Variants in CELSR3 observed in about 807,000 individuals in gnomAD.
CELSR3 encodes EGF-like protein 1.
Under a neutral mutation model 270.0 loss-of-function variants are expected in CELSR3, and 73 were observed. That is an observed-to-expected ratio of 0.27 (90% CI 0.22 to 0.33). The LOEUF (loss-of-function observed/expected upper bound fraction) is 0.33. Ranked by LOEUF, CELSR3 falls within the 10% of genes least tolerant of loss-of-function variation. The probability of loss-of-function intolerance (pLI) is 1.00; values close to 1 mark genes in which losing one functional copy is unlikely to be tolerated. For synonymous variants in CELSR3, 1,780 were observed against 1,905.4 expected (o/e 0.93, Z 1.71); for missense variants, 3,614 against 4,533.8 (o/e 0.80, Z 5.83).
intron 16 of CELSR3, among the ~76,000 whole-genome samples, chr3:48,649,721 G>A (rs1212389352): frequency 6.6e-6 from 1 of 152,016 alleles, no homozygotes; most frequent in Non-Finnish European, 1.5e-5. Flanking sequence ...CTTGTCTCTG[G>A]GGTTGGGATG....
chr3:48,638,816 C>CT (rs899946902), intron 34 of CELSR3, among the ~76,000 whole-genome samples: 5 of 151,966 alleles, frequency 3.3e-5, no homozygotes, highest in Admixed American at 1.3e-4. Flanking sequence ...AACCCCTGCT[C>CT]TTTCCTCCTT....
rs775974694 is a variant in CELSR3, at chr3:48,646,261, G to A, written c.7296-4C>T. ...CATGACGGGGTTCTGAGGAAGCCTG[G>A]GGAGACACCCATCTGGGCTTACGCA... On this transcript the variant is annotated splice_polypyrimidine_tract_variant and splice_region_variant and intron_variant, in intron 21 of 34. Coordinates refer to ENST00000164024, the MANE Select transcript of CELSR3 (RefSeq NM_001407.3). The surrounding 1 kb of genome is among the most constrained non-coding windows in gnomAD (Gnocchi z 4.8). 7 of 1,608,586 alleles carry A rather than the reference G, an allele frequency of 4.4e-6. No individual in the cohort carries two copies. The highest frequency in any genetic ancestry group is 1.3e-5 in the African/African-American group (1 of 74,830).
Position 48,645,541 on chromosome 3 carries a change from G to GGCTGC in CELSR3, c.7694_7698dup (p.Leu2567AlafsTer130). Reference sequence around the variant, plus strand: ...TGGATCCCACGCACATTGGACTTGAGGCTGCGCAGGCTCAGCAGGATGGCT... The same window carrying GGCTGC: ...TGGATCCCACGCACATTGGACTTGAGGCTGCGCTGCGCAGGCTCAGCAGGATGGCT... On this transcript the variant is annotated frameshift_variant, in exon 24 of 35. Coordinates refer to ENST00000164024, the MANE Select transcript of CELSR3 (RefSeq NM_001407.3). LOFTEE classifies it high-confidence loss of function. This position sits in a 1 kb window ranked among gnomAD's most constrained non-coding sequence, Gnocchi z 5.4. 6.2e-7 allele frequency: 1 copy of GGCTGC among 1,612,728 alleles called. No individual in the cohort carries two copies. Among genetic ancestry groups the GGCTGC allele is most frequent in the South Asian group, 1.1e-5 (1 of 91,090 alleles).
rs1232221953 is a variant in CELSR3, at chr3:48,657,296, C to T, written c.3801G>A (p.Thr1267=). Residue 1267 remains threonine, a synonymous_variant, in exon 2 of 35, where the codon ACG becomes ACA. Transcript: ENST00000164024. This position sits in a 1 kb window ranked among gnomAD's most constrained non-coding sequence, Gnocchi z 5.4. ...TCAGGCTGTTGGCCAGCAACTCCTCCGTGATGATGACCACGCGCAGCACAC... is the reference window on the plus strand; with the variant it reads ...TCAGGCTGTTGGCCAGCAACTCCTCTGTGATGATGACCACGCGCAGCACAC... ...AQCVLRVVII[T]EELLANSLTV... 3 of 1,610,724 alleles carry T rather than the reference C, an allele frequency of 1.9e-6. No individual in the cohort carries two copies. Among genetic ancestry groups the T allele is most frequent in the South Asian group, 2.2e-5 (2 of 90,624 alleles).
Position 48,658,079 on chromosome 3 carries a change from G to C in CELSR3, c.3749-731C>G, listed in dbSNP as rs1167336322. ...ACCACCCCAGAGATGAAGGTGAGGT[G>C]CTTAGCTGCCTTGTTCGTCTTGTCC... On this transcript the variant is annotated intron_variant, in intron 1 of 34. Coordinates refer to ENST00000164024, the MANE Select transcript of CELSR3 (RefSeq NM_001407.3). The surrounding 1 kb of genome is among the most constrained non-coding windows in gnomAD (Gnocchi z 4.7). Among the ~76,000 whole-genome samples, 3 of 152,224 alleles carry C rather than the reference G, an allele frequency of 2.0e-5. No individual in the cohort carries two copies. Among genetic ancestry groups the C allele is most frequent in the African/African-American group, 7.2e-5 (3 of 41,450 alleles).
chr3:48,646,171 G>A lies in CELSR3; in HGVS notation c.7382C>T (p.Ser2461Phe), dbSNP rs200524008. 1 of 1,612,860 alleles carries A rather than the reference G, an allele frequency of 6.2e-7. No homozygotes were observed. The highest frequency in any genetic ancestry group is 8.5e-7 in the Non-Finnish European group (1 of 1,179,944). ...GRNFLRGILE[S>F]PISLEFRLLQ... ...CAGGCGAAACTCTAGGCTGATGGGGGACTCCAGGATTCCCCTTAGGAAGTT... is the reference window on the plus strand; with the variant it reads ...CAGGCGAAACTCTAGGCTGATGGGGAACTCCAGGATTCCCCTTAGGAAGTT... Residue 2461 changes from serine (S) to phenylalanine (F), a missense_variant, in exon 22 of 35, where the codon TCC (serine) becomes TTC (phenylalanine). Coordinates refer to ENST00000164024, the MANE Select transcript of CELSR3 (RefSeq NM_001407.3). This position sits in a 1 kb window ranked among gnomAD's most constrained non-coding sequence, Gnocchi z 4.8.
Position 48,656,323 on chromosome 3 carries a change from G to C in CELSR3, c.4442C>G (p.Pro1481Arg). Residue 1481 changes from proline to arginine, a missense_variant, in exon 3 of 35, where the codon CCG becomes CGG. By Grantham distance (103) the Pro-to-Arg change is moderately radical. This residue lies in a region of CELSR3 where 1,331 missense variants were observed against 1,933.7 expected (regional missense o/e 0.69). Coordinates refer to ENST00000164024, the MANE Select transcript of CELSR3 (RefSeq NM_001407.3). ...ELDTEAGRCVPGVCRNGGTCT... is the reference protein window; with the variant it reads ...ELDTEAGRCVRGVCRNGGTCT... Reference sequence around the variant, plus strand: ...GGTGCCCCCGTTGCGGCAGACGCCCGGCACGCAGCGGCCGGCCTCGGTGTC... The same window carrying C: ...GGTGCCCCCGTTGCGGCAGACGCCCCGCACGCAGCGGCCGGCCTCGGTGTC... 2 of 1,448,970 alleles carry C rather than the reference G, an allele frequency of 1.4e-6. No individual in the cohort carries two copies. 89.8% of individuals were successfully genotyped at this position (1,448,970 alleles called of 1,614,324 possible). A position where few individuals can be genotyped will look rare whatever the true frequency, so the allele number is the denominator to read the frequency against.
In CELSR3 at chr3:48,659,911, T is replaced by C. The variant is rs2077054108; in HGVS notation, c.2724A>G (p.Ala908=). 2 of 1,614,100 alleles carry C rather than the reference T, an allele frequency of 1.2e-6. No homozygotes were observed. Among genetic ancestry groups the C allele is most frequent in the Non-Finnish European group, 1.7e-6 (2 of 1,180,038 alleles). ...CCTGTAATGTAATGGCTCCTGAGTC[T>C]GCATCAATGCGGAACTGGGGCAGGT... ...EDNLPQFRID[A]DSGAITLQAP... is the part of the protein sequence containing the mutation. The change falls in exon 1 of 35, where the codon GCA becomes GCG. Residue 908 remains alanine (A), a synonymous_variant. Transcript: ENST00000164024. This position sits in a 1 kb window ranked among gnomAD's most constrained non-coding sequence, Gnocchi z 8.1.
chr3:48,640,320 G>A lies in CELSR3; in HGVS notation c.9265C>T (p.Pro3089Ser). Reference sequence around the variant, plus strand: ...CTCAGGGGACGTAGAACAGGGGCAGGGGCTTCCTCTAGTCGCTCACGGCTC... The same window carrying A: ...CTCAGGGGACGTAGAACAGGGGCAGAGGCTTCCTCTAGTCGCTCACGGCTC... ...QLSRERLEEA[P>S]APVLRPLSRP... Residue 3089 changes from proline (P) to serine (S), a missense_variant, in exon 34 of 35, where the codon CCT becomes TCT. Physicochemically the swap from Pro to Ser is moderately conservative, Grantham distance 74. Around this residue, in one of 7 missense-constraint regions of CELSR3, gnomAD observed 1,240 missense variants for 1,351.7 expected, o/e 0.92. Transcript: ENST00000164024. The surrounding 1 kb of genome is among the most constrained non-coding windows in gnomAD (Gnocchi z 7.5). The A allele has an allele frequency of 1.2e-6, 2 of 1,612,842 alleles. No homozygotes were observed. The highest frequency in any genetic ancestry group is 1.7e-6 in the Non-Finnish European group (2 of 1,179,962).
Position 48,652,189 on chromosome 3 carries a change from C to T in CELSR3, c.5752-141G>A, listed in dbSNP as rs1202572721. 1.0e-5 allele frequency: 9 copies of T among 895,840 alleles called. No individual in the cohort carries two copies. The highest frequency in any genetic ancestry group is 3.6e-5 in the South Asian group (2 of 55,198). The allele number at this position is 895,840 out of a possible 1,614,324, so 55.5% of individuals were successfully genotyped here. On this transcript the variant is annotated intron_variant, in intron 11 of 34. Coordinates refer to ENST00000164024, the MANE Select transcript of CELSR3 (RefSeq NM_001407.3). The surrounding 1 kb of genome is among the most constrained non-coding windows in gnomAD (Gnocchi z 4.3). ...AAAAAACCCAGGCCTCAAAAATATCCCCAATTTGGTACCCCTGTGGGACCC... is the reference window on the plus strand; with the variant it reads ...AAAAAACCCAGGCCTCAAAAATATCTCCAATTTGGTACCCCTGTGGGACCC...
At position 48,652,814 on chromosome 3, in the gene CELSR3, G is replaced by T. The variant is rs2047149027; in HGVS notation, c.5634+188C>A. On this transcript the variant is annotated intron_variant, in intron 10 of 34. Coordinates refer to ENST00000164024, the MANE Select transcript of CELSR3 (RefSeq NM_001407.3). The surrounding 1 kb of genome is among the most constrained non-coding windows in gnomAD (Gnocchi z 4.3). The stretch of plus-strand genomic sequence containing the variant: ...AGGCCCCAAATCTGGCACAAAGAGG[G>T]CTTGAGAGTGGACCAACTTGGCTGG... 6.6e-6 allele frequency among the ~76,000 whole-genome samples: 1 copy of T among 152,214 alleles called. No individual in the cohort carries two copies. Among genetic ancestry groups the T allele is most frequent in the African/African-American group, 2.4e-5 (1 of 41,446 alleles).
At chr3:48,656,587 T>A in intron 2 of CELSR3, 111 bp downstream of exon 2, 1 of 1,353,928 alleles carries the variant, frequency 7.4e-7, no homozygotes, top group East Asian at 2.7e-5. Flanking sequence ...CCTAAGCGCG[T>A]CCATACCAGG....
In CELSR3 at chr3:48,651,295, C is replaced by G; in HGVS notation, c.6186+64G>C. ...GCCCAAGTCAGGTGGCGGAGGTCAG[C>G]AAGCTGGACAGGAATTGCAGATTGC... On this transcript the variant is annotated intron_variant, in intron 14 of 34. Coordinates refer to ENST00000164024, the MANE Select transcript of CELSR3 (RefSeq NM_001407.3). This position sits in a 1 kb window ranked among gnomAD's most constrained non-coding sequence, Gnocchi z 7.4. 2 of 1,598,502 alleles carry G rather than the reference C, an allele frequency of 1.3e-6. No homozygotes were observed. Among genetic ancestry groups the G allele is most frequent in the Non-Finnish European group, 1.7e-6 (2 of 1,169,390 alleles).
At position 48,661,662 on chromosome 3, in the gene CELSR3, A is replaced by C; in HGVS notation, c.973T>G (p.Phe325Val). 1 of 1,587,254 alleles carries C rather than the reference A, an allele frequency of 6.3e-7. No homozygotes were observed. ...AGCGTCTGGTAGTTGTACTGCGGAA[A>C]CTGCGGGTGGCGGTTTGCGGCGCGA... ...FRRAANRHPQ[F>V]PQYNYQTLVP... is the part of the protein sequence containing the mutation. Residue 325 changes from phenylalanine to valine, a missense_variant, in exon 1 of 35, where the codon TTT becomes GTT. Physicochemically the swap from Phe to Val is conservative, Grantham distance 50 (BLOSUM62 -1). This residue lies in a region of CELSR3 where 470 missense variants were observed against 469.7 expected (regional missense o/e 1.00). Coordinates refer to ENST00000164024, the MANE Select transcript of CELSR3 (RefSeq NM_001407.3).
At position 48,637,778 on chromosome 3, in the gene CELSR3, T is replaced by C. The variant is rs575106997; in HGVS notation, c.*427A>G. ...TACTCAGATCAACTTGGGGGTGGAA[T>C]AGGGGGAGGAAGGCATGTGTCCCAC... On this transcript the variant is annotated 3_prime_UTR_variant, in exon 35 of 35. Coordinates refer to ENST00000164024, the MANE Select transcript of CELSR3 (RefSeq NM_001407.3). The C allele has an allele frequency of 1.5e-4, 26 of 173,390 alleles. No individual in the cohort carries two copies. Among genetic ancestry groups the C allele is most frequent in the Non-Finnish European group, 3.1e-4 (25 of 81,638 alleles). The allele number at this position is 173,390 out of a possible 1,614,324, so 10.7% of individuals were successfully genotyped here.
In CELSR3 at chr3:48,645,224, G is replaced by A; in HGVS notation, c.7798-15C>T. The A allele has an allele frequency of 6.4e-7, 1 of 1,561,330 alleles. No individual in the cohort carries two copies. The highest frequency in any genetic ancestry group is 1.7e-4 in the Middle Eastern group (1 of 5,836). ...GTGCACACCAGCTGAGGGCAGGGGG[G>A]CGTGTCAGGACCTCTCCTGCCTCAC... On this transcript the variant is annotated splice_polypyrimidine_tract_variant and intron_variant, in intron 24 of 34. Transcript: ENST00000164024. This position sits in a 1 kb window ranked among gnomAD's most constrained non-coding sequence, Gnocchi z 5.4.
chr3:48,662,838 C>T lies in CELSR3; in HGVS notation c.-204G>A, dbSNP rs1396558322. ...CGGCGTGCGGCCCTGGCTTTTTCCG[C>T]CCCCACCACAGCATCCCCGACGCTG... On this transcript the variant is annotated 5_prime_UTR_variant, in exon 1 of 35. Coordinates refer to ENST00000164024, the MANE Select transcript of CELSR3 (RefSeq NM_001407.3). This position sits in a 1 kb window ranked among gnomAD's most constrained non-coding sequence, Gnocchi z 7.1. 7.2e-5 allele frequency: 23 copies of T among 320,778 alleles called. No homozygotes were observed. Among genetic ancestry groups the T allele is most frequent in the Non-Finnish European group, 1.3e-4 (23 of 175,336 alleles). 19.9% of individuals were successfully genotyped at this position (320,778 alleles called of 1,614,324 possible).
In CELSR3 at chr3:48,644,982, G is replaced by A; in HGVS notation, c.7972+53C>T. Reference sequence around the variant, plus strand: ...GGGGTCATGAGCAGGAGTGGGGACAGGGTCAGGGGTCAGGCCATGTGATGG... The same window carrying A: ...GGGGTCATGAGCAGGAGTGGGGACAAGGTCAGGGGTCAGGCCATGTGATGG... On this transcript the variant is annotated intron_variant, in intron 25 of 34. Transcript: ENST00000164024. The surrounding 1 kb of genome is among the most constrained non-coding windows in gnomAD (Gnocchi z 4.8). The A allele has an allele frequency of 6.5e-7, 1 of 1,549,202 alleles. No individual in the cohort carries two copies. The highest frequency in any genetic ancestry group is 8.8e-7 in the Non-Finnish European group (1 of 1,139,316).
At position 48,660,525 on chromosome 3, in the gene CELSR3, C is replaced by A; in HGVS notation, c.2110G>T (p.Ala704Ser). The A allele has an allele frequency of 6.2e-7, 1 of 1,614,126 alleles. No homozygotes were observed. The highest frequency in any genetic ancestry group is 8.5e-7 in the Non-Finnish European group (1 of 1,180,016). The change falls in exon 1 of 35, where the codon GCC (alanine) becomes TCC (serine). Residue 704 changes from alanine to serine, a missense_variant. Ala to Ser is a moderately conservative substitution (Grantham distance 99). Transcript: ENST00000164024. This position sits in a 1 kb window ranked among gnomAD's most constrained non-coding sequence, Gnocchi z 5.5. The part of the protein sequence containing the change: ...APDTPFVINS[A>S]TGWVSVSGPL... ...CCACTCACAGAGACCCAGCCAGTGGCGCTGTTTATCACAAAAGGAGTATCA... is the reference window on the plus strand; with the variant it reads ...CCACTCACAGAGACCCAGCCAGTGGAGCTGTTTATCACAAAAGGAGTATCA...
Sources: gnomAD v4.1 joint callset for allele counts (sites outside exome capture counted in the v4.1 genomes callset) on GRCh38, gnomAD v4.1.1 for gene constraint, gnomAD v4.1.1 regional missense constraint, Gnocchi (gnomAD v3.1) non-coding constraint, MANE v1.5 for transcripts, NCBI Gene and HGNC (gene_info 2026-07-23, HGNC 2026-07-21) for gene names.